Variants in TIMMDC1 observed in about 807,000 individuals in gnomAD.
TIMMDC1 encodes the protein complex I assembly factor TIMMDC1, mitochondrial.
TIMMDC1 carries 25 observed loss-of-function variants against 32.6 expected under a neutral mutation model. The ratio of observed to expected loss-of-function variants is 0.77; its 90% CI spans 0.56 to 1.07. The LOEUF (loss-of-function observed/expected upper bound fraction) is 1.07, where lower values mean the gene tolerates loss of function less well. TIMMDC1 is among the 50% of genes least tolerant of loss of function. TIMMDC1 has a pLI of 0.00. For synonymous variants in TIMMDC1, 130 were observed against 127.6 expected (o/e 1.02, Z -0.13); for missense variants, 329 against 349.2 (o/e 0.94, Z 0.46).
At chr3:119,519,926 G>A (rs563217070) in intron 6 of TIMMDC1, among the ~76,000 whole-genome samples, 14 of 152,128 alleles carry the variant, frequency 9.2e-5, no homozygotes, top group African/African-American at 3.4e-4. Flanking sequence ...GACCACAGCA[G>A]AATAAAACTA....
At chr3:119,522,340 G>A (rs1381580024) in intron 6 of TIMMDC1, among the ~76,000 whole-genome samples, 3 of 152,068 alleles carry the variant, frequency 2.0e-5, no homozygotes, top group Non-Finnish European at 4.4e-5. Context: ...TGCTCATGTG[G>A]GAGCTAAAAA....
chr3:119,506,100 A>G (rs2081917343), intron 4 of TIMMDC1, among the ~76,000 whole-genome samples: 2 of 152,340 alleles, frequency 1.3e-5, no homozygotes, highest in African/African-American at 4.8e-5. Context: ...AAAACTAGAA[A>G]TAGGCATTAA....
chr3:119,522,804 T>TGTGTG (rs1553780708), intron 6 of TIMMDC1, among the ~76,000 whole-genome samples: 2,123 of 148,734 alleles, frequency 0.014, 24 homozygotes, highest in Middle Eastern at 0.032. Context: ...GTATGGGTGT[T>TGTGTG]TGTGTGTGTG....
chr3:119,500,953 T>G (rs2081870252), intron 2 of TIMMDC1, 93 bp downstream of exon 2: 24 of 1,326,178 alleles, frequency 1.8e-5, no homozygotes, highest in Non-Finnish European at 1.0e-5. Flanking sequence ...GGATGGAGGG[T>G]TGTTTTAAGG....
chr3:119,513,736 T>A lies in TIMMDC1; in HGVS notation c.596+17T>A, dbSNP rs377189000. ...CTTGCTGGGGTAAGCATTAACATGGTTTGGTTCTAAATTGGCACAATTTTC... is the reference window on the plus strand; with the variant it reads ...CTTGCTGGGGTAAGCATTAACATGGATTGGTTCTAAATTGGCACAATTTTC... On this transcript the variant is annotated intron_variant, in intron 5 of 6. Transcript: ENST00000494664. The A allele has an allele frequency of 1.9e-6, 3 of 1,560,792 alleles. No individual in the cohort carries two copies. In the African/African-American group the frequency reaches 4.2e-5, roughly 22 times the overall value.
At position 119,523,772 on chromosome 3, in the gene TIMMDC1, G is replaced by C; in HGVS notation, c.*16G>C. On this transcript the variant is annotated 3_prime_UTR_variant, in exon 7 of 7. Coordinates refer to ENST00000494664, the MANE Select transcript of TIMMDC1 (RefSeq NM_016589.4). Reference sequence around the variant, plus strand: ...CAAGGACTGAAAGTGCTCTGAACTTGAAACTCACTGGAGAGCTGAAGGGAG... The same window carrying C: ...CAAGGACTGAAAGTGCTCTGAACTTCAAACTCACTGGAGAGCTGAAGGGAG... The C allele has an allele frequency of 6.3e-7, 1 of 1,578,318 alleles. No homozygotes were observed.
At chr3:119,500,440 A>C (rs566416556) in intron 1 of TIMMDC1, 11 of 371,768 alleles carry the variant, frequency 3.0e-5, no homozygotes, top group African/African-American at 2.3e-4. Flanking sequence ...GTAACATCCC[A>C]AAAGCTCCCC....
intron 2 of TIMMDC1, among the ~76,000 whole-genome samples, chr3:119,502,671 G>A (rs1432960451): frequency 2.0e-5 from 3 of 151,606 alleles, no homozygotes; most frequent in East Asian, 1.9e-4. Context: ...GTTTCCTCCC[G>A]CCTCAGCCTT....
At chr3:119,518,285 G>C (rs1347985591) in intron 6 of TIMMDC1, among the ~76,000 whole-genome samples, 2 of 152,126 alleles carry the variant, frequency 1.3e-5, no homozygotes, top group African/African-American at 4.8e-5. Flanking sequence ...ACCTTCCTGG[G>C]TACCTAAGAC....
At chr3:119,513,025 G>A (rs181172088) in intron 4 of TIMMDC1, among the ~76,000 whole-genome samples, 1 of 152,236 alleles carries the variant, frequency 6.6e-6, no homozygotes, top group Non-Finnish European at 1.5e-5. Flanking sequence ...ACAGGTGTGA[G>A]CCATTGCACC....
At chr3:119,508,597 T>G (rs1236521500) in intron 4 of TIMMDC1, among the ~76,000 whole-genome samples, 1 of 152,226 alleles carries the variant, frequency 6.6e-6, no homozygotes, top group Non-Finnish European at 1.5e-5. Context: ...GCTACCTTGG[T>G]TGACACCAGC....
rs376259008 is a variant in TIMMDC1, at chr3:119,503,995, C to A, written c.491C>A (p.Ala164Asp). The A allele has an allele frequency of 1.2e-6, 2 of 1,613,262 alleles. No homozygotes were observed. The highest frequency in any genetic ancestry group is 1.7e-6 in the Non-Finnish European group (2 of 1,179,404). ...CTGAATGTATACCGAAATAAAGATG[C>A]CTTAAGCCATTTTGTAATTGCAGGA... ...TSLNVYRNKD[A>D]LSHFVIAGAV... Residue 164 changes from alanine to aspartate, a missense_variant, in exon 4 of 7, where the codon GCC becomes GAC. Coordinates refer to ENST00000494664, the MANE Select transcript of TIMMDC1 (RefSeq NM_016589.4).
chr3:119,518,232 C>T (rs2081998698), intron 6 of TIMMDC1, among the ~76,000 whole-genome samples: 1 of 152,188 alleles, frequency 6.6e-6, no homozygotes, highest in Non-Finnish European at 1.5e-5. Context: ...ATATAACAGG[C>T]TGCCATCTAG....
intron 4 of TIMMDC1, among the ~76,000 whole-genome samples, chr3:119,513,093 T>C (rs1161640688): frequency 6.6e-6 from 1 of 152,222 alleles, no homozygotes; most frequent in African/African-American, 2.4e-5. Context: ...TTAGTTGCAT[T>C]GTGCATAGTG....
rs538595208 is a variant in TIMMDC1 at position 119,505,341 on chromosome 3, T to TATG, written c.517+1321_517+1323dup. On this transcript the variant is annotated intron_variant, in intron 4 of 6. Coordinates refer to ENST00000494664, the MANE Select transcript of TIMMDC1 (RefSeq NM_016589.4). ...TACATTCTTTTATGTACAACACACA[T>TATG]ATGTATTCTGAACATAAGTTTGTTT... is the stretch of plus-strand genomic sequence containing the variant. 4.9e-4 allele frequency among the ~76,000 whole-genome samples: 74 copies of TATG among 152,250 alleles called. No individual in the cohort carries two copies. The East Asian group carries it at 8.5e-3, about 17-fold the overall frequency.
chr3:119,515,347 G>C (rs775543441), intron 5 of TIMMDC1, among the ~76,000 whole-genome samples: 5 of 152,034 alleles, frequency 3.3e-5, no homozygotes, highest in African/African-American at 4.8e-5. Flanking sequence ...TCTTCTCCTA[G>C]GGCCCCTTTG....
intron 5 of TIMMDC1, among the ~76,000 whole-genome samples, chr3:119,515,333 C>T (rs1475900627): frequency 6.6e-6 from 1 of 151,792 alleles, no homozygotes; most frequent in South Asian, 2.1e-4. Context: ...AGGCCACCCA[C>T]ATTTCTTCTC....
chr3:119,513,137 T>A (rs1030608272), intron 4 of TIMMDC1, among the ~76,000 whole-genome samples: 1 of 152,178 alleles, frequency 6.6e-6, no homozygotes. Flanking sequence ...TGATGCACAG[T>A]CCCAGCAGAA....
chr3:119,509,866 A>G (rs2081942290), intron 4 of TIMMDC1, among the ~76,000 whole-genome samples: 1 of 151,972 alleles, frequency 6.6e-6, no homozygotes, highest in African/African-American at 2.4e-5. Flanking sequence ...TTGTATTTTT[A>G]GCAGAGACAG....
Sources: gnomAD v4.1 joint callset for allele counts (sites outside exome capture counted in the v4.1 genomes callset) on GRCh38, gnomAD v4.1.1 for gene constraint, MANE v1.5 for transcripts, NCBI Gene and HGNC (gene_info 2026-07-23, HGNC 2026-07-21) for gene names.